The following ADGRB1 variants were observed in gnomAD, a reference collection of about 807,000 sequenced individuals.
The protein encoded by ADGRB1 is adhesion G protein-coupled receptor B1.
Under a neutral mutation model 175.7 loss-of-function variants are expected in ADGRB1, and 36 were observed. That is an observed-to-expected ratio of 0.20 (90% CI 0.16 to 0.27). ADGRB1 has a LOEUF of 0.27. Among genes scored for constraint, ADGRB1 ranks in the 10% least tolerant of loss-of-function variants. The pLI is 1.00. For missense variants in ADGRB1, 1,731 were observed against 2,255.3 expected (o/e 0.77, Z 4.71); for synonymous variants, 1,054 against 979.4 (o/e 1.08, Z -1.42).
chr8:142,482,550 C>T (rs929283546), intron 11 of ADGRB1, among the ~76,000 whole-genome samples: 2 of 148,064 alleles, frequency 1.4e-5, no homozygotes, highest in African/African-American at 5.0e-5. Context: ...AGCCCTGATC[C>T]TGGTCATGCT....
intron 1 of ADGRB1, among the ~76,000 whole-genome samples, chr8:142,458,376 G>A (rs1023907292): frequency 1.2e-4 from 18 of 152,178 alleles, no homozygotes; most frequent in Non-Finnish European, 2.1e-4. Context: ...GGCGGGAGGC[G>A]GGTGCAGTGC....
chr8:142,474,930 T>G lies in ADGRB1; in HGVS notation c.785-544T>G, dbSNP rs1840868926. 6.6e-6 allele frequency among the ~76,000 whole-genome samples: 1 copy of G among 152,098 alleles called. No individual in the cohort carries two copies. The highest frequency in any genetic ancestry group is 1.5e-5 in the Non-Finnish European group (1 of 68,000). On this transcript the variant is annotated intron_variant, in intron 2 of 30. Coordinates refer to ENST00000517894, the MANE Select transcript of ADGRB1 (RefSeq NM_001702.3). This position sits in a 1 kb window ranked among gnomAD's most constrained non-coding sequence, Gnocchi z 5.8. ...TTGGACACCAGGTGTGAGGCCTTGA[T>G]CACCACTGGTATACCTGCGTGGGGT...
intron 23 of ADGRB1, among the ~76,000 whole-genome samples, chr8:142,526,158 C>T (rs568296917): frequency 8.9e-4 from 136 of 152,238 alleles, no homozygotes; most frequent in Non-Finnish European, 1.3e-3. Context: ...AGGAGGTGGC[C>T]TGCCCAGAGC....
At chr8:142,450,302 G>C (rs1335872307) in intron 1 of ADGRB1, among the ~76,000 whole-genome samples, 198 bp downstream of exon 1, 1 of 144,638 alleles carries the variant, frequency 6.9e-6, no homozygotes, top group Non-Finnish European at 1.5e-5. Flanking sequence ...CTTCTCCAGC[G>C]GTGGCGATGG....
At chr8:142,494,393 C>A (rs1842120411) in intron 17 of ADGRB1, among the ~76,000 whole-genome samples, 1 of 152,126 alleles carries the variant, frequency 6.6e-6, no homozygotes, top group East Asian at 1.9e-4. Context: ...TGACCTTGGT[C>A]ATACACTGGG....
intron 17 of ADGRB1, among the ~76,000 whole-genome samples, chr8:142,502,515 G>A (rs113311594): frequency 1.1e-3 from 13 of 11,642 alleles, no homozygotes; most frequent in East Asian, 3.6e-3. Flanking sequence ...TGGCGTTAGT[G>A]ATGGTTGTGT....
chr8:142,480,414 G>C (rs1173496747), intron 9 of ADGRB1, among the ~76,000 whole-genome samples: 2 of 152,206 alleles, frequency 1.3e-5, no homozygotes, highest in African/African-American at 4.8e-5. Context: ...GCTCAGAGCT[G>C]CTGTGGGGAG....
chr8:142,454,461 C>T (rs909018501), intron 1 of ADGRB1, among the ~76,000 whole-genome samples: 6 of 152,186 alleles, frequency 3.9e-5, no homozygotes, highest in African/African-American at 7.2e-5. Flanking sequence ...ACGGCACCCC[C>T]GCCCCGCGAT....
At chr8:142,472,003 G>A (rs111542028) in intron 2 of ADGRB1, among the ~76,000 whole-genome samples, 23 of 152,352 alleles carry the variant, frequency 1.5e-4, no homozygotes, top group African/African-American at 5.0e-4. Flanking sequence ...CCTGGGACCT[G>A]GTGGCAGAGC....
intron 1 of ADGRB1, among the ~76,000 whole-genome samples, chr8:142,454,525 C>A (rs1265892980): frequency 2.0e-5 from 3 of 152,186 alleles, no homozygotes; most frequent in African/African-American, 7.2e-5. Context: ...GACCTACAGA[C>A]CGCACGATCC....
intron 20 of ADGRB1, 116 bp downstream of exon 20, chr8:142,521,041 G>T (rs1843809682): frequency 4.2e-6 from 4 of 944,658 alleles, no homozygotes; most frequent in African/African-American, 1.6e-5. Flanking sequence ...CGGGTGTGGG[G>T]GCAGGAGGAG....
intron 1 of ADGRB1, among the ~76,000 whole-genome samples, chr8:142,462,084 G>A (rs944226755): frequency 1.3e-5 from 2 of 152,140 alleles, no homozygotes; most frequent in Non-Finnish European, 2.9e-5. Context: ...TCTGGGGGCA[G>A]GACTGGAGGA....
chr8:142,465,076 G>A, intron 2 of ADGRB1, 94 bp downstream of exon 2: 2 of 1,143,504 alleles, frequency 1.7e-6, no homozygotes, highest in East Asian at 4.0e-5. Context: ...GGAAGTGGGC[G>A]GACAGAGGAG....
Position 142,474,903 on chromosome 8 carries a change from G to A in ADGRB1, c.785-571G>A, listed in dbSNP as rs371181024. On this transcript the variant is annotated intron_variant, in intron 2 of 30. Transcript: ENST00000517894. The surrounding 1 kb of genome is among the most constrained non-coding windows in gnomAD (Gnocchi z 5.8). ...GGCTGTGCCCTGGGTTCGAGGCCCT[G>A]GTTGGACACCAGGTGTGAGGCCTTG... Among the ~76,000 whole-genome samples the A allele has an allele frequency of 2.0e-5, 3 of 152,280 alleles. No individual in the cohort carries two copies. Among genetic ancestry groups the A allele is most frequent in the East Asian group, 1.9e-4 (1 of 5,166 alleles).
intron 22 of ADGRB1, among the ~76,000 whole-genome samples, chr8:142,523,548 T>C (rs571532904): frequency 1.8e-4 from 27 of 151,876 alleles, no homozygotes; most frequent in African/African-American, 5.6e-4. Context: ...ATCCAAACAC[T>C]GTCCCCAGAG....
Position 142,493,358 on chromosome 8 carries a change from G to A in ADGRB1, c.2675+2543G>A, listed in dbSNP as rs575683055. Among the ~76,000 whole-genome samples, 2 of 152,202 alleles carry A rather than the reference G, an allele frequency of 1.3e-5. No individual in the cohort carries two copies. Among genetic ancestry groups the A allele is most frequent in the South Asian group, 2.1e-4 (1 of 4,818 alleles). On this transcript the variant is annotated intron_variant, in intron 17 of 30. Transcript: ENST00000517894. The surrounding 1 kb of genome is among the most constrained non-coding windows in gnomAD (Gnocchi z 5.0). ...GGTCTGCCTGCTTTTAGGCAGGGGCGGGGGCAGCAGGACGGCGGTCAAGTC... is the reference window on the plus strand; with the variant it reads ...GGTCTGCCTGCTTTTAGGCAGGGGCAGGGGCAGCAGGACGGCGGTCAAGTC...
rs1205967209 is a variant in ADGRB1, at chr8:142,464,789, G to T, written c.591G>T (p.Leu197=). ...TGTGCCGCTGGCTGGACGCGTGTCT[G>T]GCCGGTAGTCGCAGCTCGCACCCCT... ...QMLCRWLDAC[L]AGSRSSHPCG... Residue 197 remains leucine, a synonymous_variant, in exon 2 of 31, where the codon CTG becomes CTT. Coordinates refer to ENST00000517894, the MANE Select transcript of ADGRB1 (RefSeq NM_001702.3). 2 of 1,535,160 alleles carry T rather than the reference G, an allele frequency of 1.3e-6. No homozygotes were observed. The highest frequency in any genetic ancestry group is 1.7e-6 in the Non-Finnish European group (2 of 1,145,714).
chr8:142,519,006 G>A (rs879740444), intron 19 of ADGRB1, among the ~76,000 whole-genome samples: 12 of 152,158 alleles, frequency 7.9e-5, no homozygotes, highest in Admixed American at 7.8e-4. Flanking sequence ...GGCTGGTGGG[G>A]GAGGGTGGCC....
chr8:142,532,136 C>T (rs965214067), intron 24 of ADGRB1, among the ~76,000 whole-genome samples: 2 of 152,036 alleles, frequency 1.3e-5, no homozygotes, highest in Non-Finnish European at 2.9e-5. Flanking sequence ...CCAGCTCCCC[C>T]TGTGTAGGAG....
Sources: allele counts gnomAD v4.1 joint callset (sites outside exome capture counted in the v4.1 genomes callset), GRCh38; gene constraint gnomAD v4.1.1; non-coding constraint Gnocchi (gnomAD v3.1); transcripts MANE v1.5; gene names NCBI Gene and HGNC (gene_info 2026-07-23, HGNC 2026-07-21).